ERC2: variants seen among roughly 807,000 people sequenced by gnomAD.
ERC2 encodes ERC protein 2.
A neutral mutation model predicts 114.8 loss-of-function variants in ERC2; 42 were observed. The ratio of observed to expected loss-of-function variants is 0.37; its 90% CI spans 0.29 to 0.47. The LOEUF is 0.47. Among genes scored for constraint, ERC2 ranks in the 20% least tolerant of loss-of-function variants. The probability of loss-of-function intolerance (pLI) is 0.99; values close to 1 mark genes in which losing one functional copy is unlikely to be tolerated. For synonymous variants in ERC2, 454 were observed against 425.5 expected (o/e 1.07, Z -0.82); for missense variants, 939 against 1,150.7 (o/e 0.82, Z 2.66).
chr3:55,747,551 A>C (rs1199695094), intron 14 of ERC2, among the ~76,000 whole-genome samples: 1 of 152,242 alleles, frequency 6.6e-6, no homozygotes, highest in Non-Finnish European at 1.5e-5. Context: ...AATGAGACAA[A>C]ATTTATAATA....
At chr3:56,089,047 C>T (rs1398285483) in intron 6 of ERC2, among the ~76,000 whole-genome samples, 1 of 152,136 alleles carries the variant, frequency 6.6e-6, no homozygotes. Flanking sequence ...TTGACATTTA[C>T]TTAAAAATAT....
At chr3:56,042,409 T>C (rs1254832140) in intron 7 of ERC2, among the ~76,000 whole-genome samples, 1 of 152,320 alleles carries the variant, frequency 6.6e-6, no homozygotes, top group African/African-American at 2.4e-5. Flanking sequence ...GGCTGGCACA[T>C]AGGAGGTTCT....
chr3:55,737,248 G>C (rs914628315), intron 14 of ERC2, among the ~76,000 whole-genome samples: 1 of 152,164 alleles, frequency 6.6e-6, no homozygotes, highest in Admixed American at 6.5e-5. Context: ...TGAAGCTCAC[G>C]CAGATGTGTG....
At chr3:55,602,021 T>C (rs112965361) in intron 17 of ERC2, among the ~76,000 whole-genome samples, 1 of 152,204 alleles carries the variant, frequency 6.6e-6, no homozygotes, top group Non-Finnish European at 1.5e-5. Context: ...TATTTCTGAA[T>C]GGGTGGATGG....
chr3:56,067,689 C>T (rs1331231693), intron 7 of ERC2, among the ~76,000 whole-genome samples: 2 of 152,076 alleles, frequency 1.3e-5, no homozygotes, highest in Non-Finnish European at 2.9e-5. Context: ...TCATAAATAG[C>T]TCTTATTATT....
rs372271994 is a variant in ERC2, at chr3:55,521,880, C to T, written c.*40-10604G>A. Among the ~76,000 whole-genome samples, 20 of 152,308 alleles carry T rather than the reference C, an allele frequency of 1.3e-4. No individual in the cohort carries two copies. The East Asian group carries it at 3.1e-3, about 24-fold the overall frequency. On this transcript the variant is annotated intron_variant, in intron 17 of 17. Coordinates refer to ENST00000288221, the MANE Select transcript of ERC2 (RefSeq NM_015576.3). ...GCCTGGGTCGGTTGTGGTCACTAAA[C>T]CCATTAGCGTTCCAATGTGGCAACA... is the stretch of plus-strand genomic sequence containing the variant.
chr3:56,210,584 G>C (rs1489468108), intron 3 of ERC2, among the ~76,000 whole-genome samples: 1 of 152,084 alleles, frequency 6.6e-6, no homozygotes, highest in South Asian at 2.1e-4. Context: ...ACTCAAAATT[G>C]AATTAAGCTA....
intron 2 of ERC2, among the ~76,000 whole-genome samples, chr3:56,305,816 C>T (rs182962928): frequency 1.5e-4 from 23 of 152,338 alleles, no homozygotes; most frequent in Non-Finnish European, 3.2e-4. Context: ...TAGTGGAACA[C>T]AGCCATATCC....
chr3:55,611,470 G>A (rs1179219529), intron 17 of ERC2, among the ~76,000 whole-genome samples: 1 of 152,198 alleles, frequency 6.6e-6, no homozygotes, highest in East Asian at 1.9e-4. Context: ...GCTTGTGTGT[G>A]AAGGCTGGGC....
At chr3:55,716,984 A>T (rs1037405841) in intron 15 of ERC2, among the ~76,000 whole-genome samples, 6 of 152,094 alleles carry the variant, frequency 3.9e-5, no homozygotes, top group African/African-American at 1.4e-4. Context: ...TGTCAACCAG[A>T]TCTATCAGCT....
intron 2 of ERC2, among the ~76,000 whole-genome samples, chr3:56,339,295 AAG>A (rs1162006081): frequency 3.3e-5 from 5 of 152,204 alleles, no homozygotes; most frequent in Middle Eastern, 3.4e-3. Context: ...AGTGTTAGGG[AAG>A]AGTTTCTGAG....
intron 4 of ERC2, 125 bp downstream of exon 4, chr3:56,173,320 AG>A: frequency 1.2e-6 from 1 of 854,836 alleles, no homozygotes; most frequent in East Asian, 2.6e-5. Context: ...AAAATCCAGA[AG>A]TAAAGCATCC....
chr3:55,888,508 T>C lies in ERC2; in HGVS notation c.2445A>G (p.Glu815=), dbSNP rs770069248. 1.9e-6 allele frequency: 3 copies of C among 1,613,778 alleles called. No individual in the cohort carries two copies. Among genetic ancestry groups the C allele is most frequent in the South Asian group, 2.2e-5 (2 of 91,086 alleles). ...CGAGGCGTGCTTTGGTGGCATCCAG[T>C]TCCTGTCTGGTCTTCTCCAGTGCAT... is the stretch of plus-strand genomic sequence containing the variant. The part of the protein sequence containing the change: ...LMNALEKTRQ[E]LDATKARLAS... Residue 815 remains glutamate, a synonymous_variant, in exon 14 of 18, where the codon GAA becomes GAG. Transcript: ENST00000288221.
intron 3 of ERC2, among the ~76,000 whole-genome samples, chr3:56,199,160 G>T (rs986047693): frequency 4.6e-5 from 7 of 152,112 alleles, no homozygotes; most frequent in Admixed American, 4.6e-4. Context: ...TCAAATTGTT[G>T]GGAAATGCTA....
At chr3:55,764,301 TA>T (rs1220523383) in intron 14 of ERC2, among the ~76,000 whole-genome samples, 1 of 152,252 alleles carries the variant, frequency 6.6e-6, no homozygotes, top group Non-Finnish European at 1.5e-5. Flanking sequence ...ATTTTCTTCT[TA>T]GGCAATTTTT....
intron 3 of ERC2, among the ~76,000 whole-genome samples, chr3:56,226,375 T>C (rs2050249158): frequency 1.3e-5 from 2 of 152,140 alleles, no homozygotes; most frequent in South Asian, 4.1e-4. Flanking sequence ...TCAAAATATT[T>C]GCTAACGTTC....
chr3:56,224,909 CA>C (rs2150159078), intron 3 of ERC2, among the ~76,000 whole-genome samples: 1 of 152,272 alleles, frequency 6.6e-6, no homozygotes, highest in African/African-American at 2.4e-5. Context: ...GCAGGTGACC[CA>C]GAGTTAACTT....
At chr3:55,650,813 C>T (rs889993361) in intron 17 of ERC2, among the ~76,000 whole-genome samples, 14 of 151,076 alleles carry the variant, frequency 9.3e-5, no homozygotes, top group African/African-American at 2.9e-4. Flanking sequence ...TGTATTCCTA[C>T]GGCCTTTGTG....
At chr3:56,003,028 C>T in intron 10 of ERC2, 1 of 1,144,322 alleles carries the variant, frequency 8.7e-7, no homozygotes. Context: ...CAGTATGGCA[C>T]ACCGTGACTG....
Sources: gnomAD v4.1 joint callset for allele counts (sites outside exome capture counted in the v4.1 genomes callset) on GRCh38, gnomAD v4.1.1 for gene constraint, MANE v1.5 for transcripts, NCBI Gene and HGNC (gene_info 2026-07-23, HGNC 2026-07-21) for gene names.